The following TENM3 variants were observed in gnomAD, a reference collection of about 807,000 sequenced individuals.
The protein encoded by TENM3 is teneurin-3.
A neutral mutation model predicts 255.1 loss-of-function variants in TENM3; 63 were observed. That is an observed-to-expected ratio of 0.25 (90% CI 0.20 to 0.30). The LOEUF (loss-of-function observed/expected upper bound fraction) is 0.30. Among genes scored for constraint, TENM3 ranks in the 10% least tolerant of loss-of-function variants. The pLI is 1.00. For synonymous variants in TENM3, 1,306 were observed against 1,322.3 expected (o/e 0.99, Z 0.27); for missense variants, 2,929 against 3,461.1 (o/e 0.85, Z 3.86).
At chr4:182,148,992 A>G (rs1750146030) in intron 1 of TENM3, among the ~76,000 whole-genome samples, 1 of 152,024 alleles carries the variant, frequency 6.6e-6, no homozygotes, top group Non-Finnish European at 1.5e-5. Flanking sequence ...ATATATATCC[A>G]TATATATCAA....
At chr4:182,512,390 T>C (rs1321133625) in intron 3 of TENM3, among the ~76,000 whole-genome samples, 1 of 152,180 alleles carries the variant, frequency 6.6e-6, no homozygotes, top group Non-Finnish European at 1.5e-5. Context: ...GTTGTCCCAT[T>C]GAACACCAGC....
chr4:181,503,202 CA>C, the TENM3 span, among the ~76,000 whole-genome samples: 1 of 151,866 alleles, frequency 6.6e-6, no homozygotes, highest in African/African-American at 2.4e-5. Context: ...CCCATCTCTA[CA>C]AAAAAATTAA....
chr4:182,659,845 T>C (rs1378182611), intron 6 of TENM3, among the ~76,000 whole-genome samples: 1 of 152,190 alleles, frequency 6.6e-6, no homozygotes, highest in Non-Finnish European at 1.5e-5. Context: ...ACAGCCTGGC[T>C]GTACATCACA....
chr4:182,486,267 G>T (rs935426765), intron 3 of TENM3, among the ~76,000 whole-genome samples: 1 of 110,020 alleles, frequency 9.1e-6, no homozygotes, highest in Non-Finnish European at 1.7e-5. Context: ...AAAAGAAAAA[G>T]GTTCTACTTT....
At chr4:181,592,462 G>A in the TENM3 span, among the ~76,000 whole-genome samples, 15,933 of 151,608 alleles carry the variant, frequency 0.11, 1,192 homozygotes, top group African/African-American at 0.2. Context: ...ACAGAGGACC[G>A]GTCGCGAAGC....
chr4:181,668,016 T>C, the TENM3 span, among the ~76,000 whole-genome samples: 2 of 152,226 alleles, frequency 1.3e-5, no homozygotes, highest in Admixed American at 6.5e-5. Context: ...TGTGTGTGTG[T>C]ATGCGCTAGA....
intron 1 of TENM3, among the ~76,000 whole-genome samples, chr4:182,236,348 A>G (rs1304421094): frequency 6.6e-6 from 1 of 152,228 alleles, no homozygotes; most frequent in African/African-American, 2.4e-5. Context: ...AGTTACTCTC[A>G]TCACTCCTGC....
chr4:182,789,404 T>A lies in TENM3; in HGVS notation c.5601+15T>A. 1 of 1,602,438 alleles carries A rather than the reference T, an allele frequency of 6.2e-7. No individual in the cohort carries two copies. Among genetic ancestry groups the A allele is most frequent in the Non-Finnish European group, 8.5e-7 (1 of 1,171,742 alleles). Reference sequence around the variant, plus strand: ...ATTTAGAAAAGGTATGCCTGCAAACTAAGCTCAACAATAGGGAAAGGATAA... The same window carrying A: ...ATTTAGAAAAGGTATGCCTGCAAACAAAGCTCAACAATAGGGAAAGGATAA... On this transcript the variant is annotated intron_variant, in intron 25 of 27. Transcript: ENST00000511685. This position sits in a 1 kb window ranked among gnomAD's most constrained non-coding sequence, Gnocchi z 4.4.
At chr4:182,391,715 A>G (rs189906523) in intron 3 of TENM3, among the ~76,000 whole-genome samples, 375 of 152,370 alleles carry the variant, frequency 2.5e-3, no homozygotes, top group Non-Finnish European at 2.7e-3. Flanking sequence ...TGGCAGAGAT[A>G]ATAGATTAGG....
intron 19 of TENM3, among the ~76,000 whole-genome samples, chr4:182,746,427 C>T (rs1013163807): frequency 6.6e-6 from 1 of 152,112 alleles, no homozygotes; most frequent in Non-Finnish European, 1.5e-5. Flanking sequence ...TGGGGGAGAG[C>T]TGAGCAAGAC....
rs1030261820 is a variant in TENM3 at position 182,212,099 on chromosome 4, T to G, written c.-76+67345T>G. On this transcript the variant is annotated intron_variant, in intron 1 of 2. Transcript: ENST00000512480. Reference sequence around the variant, plus strand: ...CTGAATACATGGAATTTTAAAAAAATTCTCGCCATGGTTTATGAAGAGAAG... The same window carrying G: ...CTGAATACATGGAATTTTAAAAAAAGTCTCGCCATGGTTTATGAAGAGAAG... Among the ~76,000 whole-genome samples the G allele has an allele frequency of 1.2e-4, 19 of 152,354 alleles. No homozygotes were observed. The Middle Eastern group carries it at 0.01, about 82-fold the overall frequency.
chr4:182,359,477 T>G (rs1454679725), intron 3 of TENM3, among the ~76,000 whole-genome samples: 2 of 151,064 alleles, frequency 1.3e-5, no homozygotes, highest in Non-Finnish European at 3.0e-5. Flanking sequence ...AATTTATCCA[T>G]TTTTTCTAGA....
At chr4:182,083,019 G>A in the TENM3 span, among the ~76,000 whole-genome samples, 1 of 152,156 alleles carries the variant, frequency 6.6e-6, no homozygotes, top group Non-Finnish European at 1.5e-5. Context: ...GGGAACATTA[G>A]TAGCTGGAAG....
At chr4:182,365,181 AC>A (rs1766342112) in intron 3 of TENM3, among the ~76,000 whole-genome samples, 2 of 152,304 alleles carry the variant, frequency 1.3e-5, no homozygotes, top group Admixed American at 1.3e-4. Flanking sequence ...ACATGTATGT[AC>A]CATTTGTATT....
intron 1 of TENM3, among the ~76,000 whole-genome samples, chr4:182,160,054 G>C (rs192884505): frequency 0.013 from 1,976 of 148,048 alleles, 97 homozygotes; most frequent in Non-Finnish European, 0.024. Context: ...CCAGGCTGGA[G>C]TGCAGCGGTG....
At chr4:181,884,133 T>G in the TENM3 span, among the ~76,000 whole-genome samples, 13,222 of 152,152 alleles carry the variant, frequency 0.087, 811 homozygotes, top group East Asian at 0.33. Flanking sequence ...TATCTGGCAA[T>G]TGGACGTCAC....
the TENM3 span, among the ~76,000 whole-genome samples, chr4:182,037,599 C>T: frequency 2.0e-5 from 3 of 152,120 alleles, no homozygotes; most frequent in African/African-American, 7.2e-5. Context: ...GAGTTACCAC[C>T]CCAAGGGCAA....
At chr4:182,117,550 G>T in the TENM3 span, among the ~76,000 whole-genome samples, 1 of 152,148 alleles carries the variant, frequency 6.6e-6, no homozygotes, top group Non-Finnish European at 1.5e-5. Flanking sequence ...TTATTGAAAA[G>T]AATATCTTTG....
intron 1 of TENM3, among the ~76,000 whole-genome samples, chr4:182,149,975 T>G (rs1750226746): frequency 6.6e-6 from 1 of 152,206 alleles, no homozygotes; most frequent in African/African-American, 2.4e-5. Context: ...TATAAAATTG[T>G]ATCATTTATA....
Sources: gnomAD v4.1 joint callset for allele counts (sites outside exome capture counted in the v4.1 genomes callset) on GRCh38, gnomAD v4.1.1 for gene constraint, Gnocchi (gnomAD v3.1) non-coding constraint, MANE v1.5 for transcripts, NCBI Gene and HGNC (gene_info 2026-07-23, HGNC 2026-07-21) for gene names.